The following SPATC1 variants were observed in gnomAD, a reference collection of about 807,000 sequenced individuals.
The protein encoded by SPATC1 is spermatogenesis and centriole associated 1.
In SPATC1, 35 loss-of-function variants were observed where a neutral mutation model predicts 36.5. That is an observed-to-expected ratio of 0.96 (90% CI 0.73 to 1.27). The LOEUF is 1.27. Among genes scored for constraint, SPATC1 ranks in the 50% most tolerant of loss-of-function variants. SPATC1 has a pLI of 0.00. For missense variants in SPATC1, 779 were observed against 796.0 expected (o/e 0.98, Z 0.26); for synonymous variants, 361 against 353.6 (o/e 1.02, Z -0.24).
chr8:144,014,273 GAA>G (rs782662108), intron 1 of SPATC1, among the ~76,000 whole-genome samples: 4 of 140,292 alleles, frequency 2.9e-5, no homozygotes, highest in African/African-American at 6.0e-5. Context: ...AAGAAAGAAA[GAA>G]AGAGAGAGAG....
chr8:144,027,385 T>C (rs1834706413), intron 1 of SPATC1, among the ~76,000 whole-genome samples: 1 of 152,186 alleles, frequency 6.6e-6, no homozygotes, highest in African/African-American at 2.4e-5. Context: ...TTTTCTCCAA[T>C]TGTTTGGGTT....
Position 144,040,780 on chromosome 8 carries a change from A to AC in SPATC1, c.981dup (p.Thr328HisfsTer43). The AC allele has an allele frequency of 5.7e-6, 4 of 702,196 alleles. No homozygotes were observed. The highest frequency in any genetic ancestry group is 5.6e-6 in the Non-Finnish European group (3 of 537,722). 43.5% of individuals were successfully genotyped at this position (702,196 alleles called of 1,614,324 possible). A position where few individuals can be genotyped will look rare whatever the true frequency, so the allele number is the denominator to read the frequency against. On this transcript the variant is annotated frameshift_variant, in exon 3 of 5. Transcript: ENST00000377470. LOFTEE classifies it high-confidence loss of function. ...CCCTGCATCTGTCCCCACCTCCCCCACCACCTCCCCCACGGTCACCGTCCT... is the reference window on the plus strand; with the variant it reads ...CCCTGCATCTGTCCCCACCTCCCCCACCCACCTCCCCCACGGTCACCGTCCT...
rs1326650662 is a variant in SPATC1 at position 144,012,498 on chromosome 8, T to C, written c.-18T>C. On this transcript the variant is annotated 5_prime_UTR_variant, in exon 1 of 5. Transcript: ENST00000377470. ...CAGTGCCCTCCCGTGGGCCGCACCC[T>C]TGCCACTGCCCCAGGGCATGTCTCT... 7 of 1,550,810 alleles carry C rather than the reference T, an allele frequency of 4.5e-6. No individual in the cohort carries two copies. The highest frequency in any genetic ancestry group is 2.0e-5 in the Admixed American group (1 of 50,986).
intron 1 of SPATC1, among the ~76,000 whole-genome samples, chr8:144,034,198 G>C (rs1834853508): frequency 6.6e-6 from 1 of 152,210 alleles, no homozygotes; most frequent in African/African-American, 2.4e-5. Context: ...AGGGAGTGCT[G>C]GAGGACAGGG....
Position 144,040,161 on chromosome 8 carries a change from G to A in SPATC1, c.464G>A (p.Ser155Asn), listed in dbSNP as rs138478557. 6,780 of 1,609,838 alleles carry A rather than the reference G, an allele frequency of 4.2e-3. 19 individuals are homozygous for A. The highest frequency in any genetic ancestry group is 5.1e-3 in the Non-Finnish European group (6,033 of 1,178,972). Residue 155 changes from serine (S) to asparagine (N), a missense_variant, in exon 2 of 5, where the codon AGT (serine) becomes AAT (asparagine). By Grantham distance (46) the Ser-to-Asn change is conservative. Coordinates refer to ENST00000377470, the MANE Select transcript of SPATC1 (RefSeq NM_198572.3). Reference sequence around the variant, plus strand: ...GGACCCCTAACAGGCACACTGGCCAGTTCCCTGGGCCTGCCCTCCACTGGC... The same window carrying A: ...GGACCCCTAACAGGCACACTGGCCAATTCCCTGGGCCTGCCCTCCACTGGC... ...IAGPLTGTLASSLGLPSTGTL... is the reference protein window; with the variant it reads ...IAGPLTGTLANSLGLPSTGTL...
intron 1 of SPATC1, among the ~76,000 whole-genome samples, chr8:144,031,902 T>A (rs1159147214): frequency 6.6e-6 from 1 of 151,780 alleles, no homozygotes; most frequent in Non-Finnish European, 1.5e-5. Flanking sequence ...GTATTTTTGG[T>A]AGAGACAGGT....
At position 144,032,606 on chromosome 8, in the gene SPATC1, G is replaced by C. The variant is rs1435882045; in HGVS notation, c.212-7303G>C. Among the ~76,000 whole-genome samples the C allele has an allele frequency of 2.0e-5, 3 of 152,040 alleles. No homozygotes were observed. In the East Asian group the frequency reaches 5.8e-4, roughly 29 times the overall value. Reference sequence around the variant, plus strand: ...AATGCTTTTTAGCTTTTTGAAAACTGGACATTTTAAATATTATAACGTGGT... The same window carrying C: ...AATGCTTTTTAGCTTTTTGAAAACTCGACATTTTAAATATTATAACGTGGT... On this transcript the variant is annotated intron_variant, in intron 1 of 4. Transcript: ENST00000377470.
rs138441983 is a variant in SPATC1 at position 144,040,793 on chromosome 8, C to T, written c.992C>T (p.Thr331Met). 54 of 1,515,686 alleles carry T rather than the reference C, an allele frequency of 3.6e-5. No individual in the cohort carries two copies. Among genetic ancestry groups the T allele is most frequent in the Admixed American group, 9.7e-5 (5 of 51,578 alleles). 93.9% of individuals were successfully genotyped at this position (1,515,686 alleles called of 1,614,324 possible). A position where few individuals can be genotyped will look rare whatever the true frequency, so the allele number is the denominator to read the frequency against. The change falls in exon 3 of 5, where the codon ACG becomes ATG. Residue 331 changes from threonine (T) to methionine (M), a missense_variant. Transcript: ENST00000377470. Reference sequence around the variant, plus strand: ...CCCACCTCCCCCACCACCTCCCCCACGGTCACCGTCCTTGCCTCTGCCCCC... The same window carrying T: ...CCCACCTCCCCCACCACCTCCCCCATGGTCACCGTCCTTGCCTCTGCCCCC... ...SVPTSPTTSPTVTVLASAPAL... is the reference protein window; with the variant it reads ...SVPTSPTTSPMVTVLASAPAL...
In SPATC1 at chr8:144,021,416, C is replaced by T. The variant is rs1458272737; in HGVS notation, c.211+8690C>T. 2.9e-4 allele frequency among the ~76,000 whole-genome samples: 38 copies of T among 133,120 alleles called. 1 individual carries two copies. The South Asian group carries it at 0.011, about 37-fold the overall frequency. 87.3% of individuals were successfully genotyped at this position (133,120 alleles called of 152,430 possible). A position where few individuals can be genotyped will look rare whatever the true frequency, so the allele number is the denominator to read the frequency against. On this transcript the variant is annotated intron_variant, in intron 1 of 4. Coordinates refer to ENST00000377470, the MANE Select transcript of SPATC1 (RefSeq NM_198572.3). ...CCTCGGGACCTTCCCCATCAGTACC[C>T]TCCCACCTTAGAACCCTCTCCCCTC...
At chr8:144,028,826 T>C (rs1834736076) in intron 1 of SPATC1, among the ~76,000 whole-genome samples, 1 of 152,066 alleles carries the variant, frequency 6.6e-6, no homozygotes, top group Non-Finnish European at 1.5e-5. Context: ...AATGATAGAC[T>C]GGATAAAGAA....
At chr8:144,038,958 A>C (rs1462638827) in intron 1 of SPATC1, among the ~76,000 whole-genome samples, 1 of 152,152 alleles carries the variant, frequency 6.6e-6, no homozygotes, top group Admixed American at 6.5e-5. Flanking sequence ...CCAACTCCTG[A>C]GCTATATACG....
At chr8:144,029,201 C>T (rs1185126429) in intron 1 of SPATC1, among the ~76,000 whole-genome samples, 1 of 23,396 alleles carries the variant, frequency 4.3e-5, no homozygotes. Flanking sequence ...TACCCCAGAA[C>T]TAAAAAAAAA....
At chr8:144,037,119 C>A (rs1289552001) in intron 1 of SPATC1, among the ~76,000 whole-genome samples, 1 of 127,530 alleles carries the variant, frequency 7.8e-6, no homozygotes, top group Non-Finnish European at 1.7e-5. Context: ...CCCCGCCCGG[C>A]AAGCCGCCCC....
intron 1 of SPATC1, among the ~76,000 whole-genome samples, chr8:144,036,804 G>A (rs1198932592): frequency 2.0e-5 from 3 of 152,044 alleles, no homozygotes; most frequent in South Asian, 2.1e-4. Flanking sequence ...CAAGACTTAC[G>A]TAATAGGGTG....
chr8:144,012,196 G>A (rs1554752544), upstream of SPATC1, among the ~76,000 whole-genome samples: 1 of 152,242 alleles, frequency 6.6e-6, no homozygotes, highest in African/African-American at 2.4e-5. Context: ...CCAGCGGGCA[G>A]CAATTAACTT....
chr8:144,022,828 TA>T (rs1406131331), intron 1 of SPATC1, among the ~76,000 whole-genome samples: 2 of 150,096 alleles, frequency 1.3e-5, no homozygotes, highest in Non-Finnish European at 3.0e-5. Context: ...CCCTCTTTTC[TA>T]ACGACCTTCT....
At chr8:144,042,115 C>A (rs1460004385) in intron 4 of SPATC1, 2 of 584,744 alleles carry the variant, frequency 3.4e-6, no homozygotes, top group Non-Finnish European at 4.3e-6. Context: ...CAGCTCACTG[C>A]AACCTCTGCC....
chr8:144,034,773 C>A (rs1228110748), intron 1 of SPATC1, among the ~76,000 whole-genome samples: 5 of 152,002 alleles, frequency 3.3e-5, no homozygotes, highest in African/African-American at 1.2e-4. Context: ...AGGCACACAC[C>A]AACACACCTG....
chr8:144,038,125 C>CAAAAAAAAAA (rs369259902), intron 1 of SPATC1, among the ~76,000 whole-genome samples: 3 of 100,806 alleles, frequency 3.0e-5, no homozygotes, highest in African/African-American at 1.2e-4. Context: ...GACTCTGTCT[C>CAAAAAAAAAA]AAAAAAAAAA....
Sources: gnomAD v4.1 joint callset for allele counts (sites outside exome capture counted in the v4.1 genomes callset) on GRCh38, gnomAD v4.1.1 for gene constraint, MANE v1.5 for transcripts, NCBI Gene and HGNC (gene_info 2026-07-23, HGNC 2026-07-21) for gene names.